The following COPZ1 variants were observed in gnomAD, a reference collection of about 807,000 sequenced individuals.
COPZ1 encodes the protein coatomer subunit zeta-1.
Under a neutral mutation model 31.7 loss-of-function variants are expected in COPZ1, and 4 were observed. The observed-to-expected ratio is 0.13, with a 90% CI of 0.06 to 0.29. COPZ1 has a LOEUF of 0.29. Ranked by LOEUF, COPZ1 falls within the 10% of genes least tolerant of loss-of-function variation. The pLI is 1.00. For missense variants in COPZ1, 156 were observed against 211.5 expected (o/e 0.74, Z 1.63); for synonymous variants, 74 against 79.0 (o/e 0.94, Z 0.33).
intron 1 of COPZ1, among the ~76,000 whole-genome samples, chr12:54,340,073 T>C (rs1953947550): frequency 6.6e-6 from 1 of 151,830 alleles, no homozygotes; most frequent in South Asian, 2.1e-4. Context: ...AAGGCTTGCT[T>C]TATGCTTCTG....
rs1592212731 is a variant in COPZ1 at position 54,349,605 on chromosome 12, A to C, written c.448-15A>C. 1 of 1,609,404 alleles carries C rather than the reference A, an allele frequency of 6.2e-7. No homozygotes were observed. The highest frequency in any genetic ancestry group is 2.2e-5 in the East Asian group (1 of 44,862). On this transcript the variant is annotated splice_polypyrimidine_tract_variant and intron_variant, in intron 7 of 8. Coordinates refer to ENST00000262061, the MANE Select transcript of COPZ1 (RefSeq NM_016057.3). ...GCTTTCTCCCACACTAAATGCTTGT[A>C]TCTCTGTGCCATAGGGTGAAGATGT... is the stretch of plus-strand genomic sequence containing the variant.
At chr12:54,326,603 A>C (rs1164013076) in intron 1 of COPZ1, among the ~76,000 whole-genome samples, 2 of 148,092 alleles carry the variant, frequency 1.4e-5, no homozygotes, top group African/African-American at 5.0e-5. Flanking sequence ...GGACCAGAGA[A>C]TTTCTCTCAA....
At chr12:54,347,617 CT>C (rs1954086369) in intron 5 of COPZ1, 149 bp from the exon 6 acceptor site, 4 of 651,914 alleles carry the variant, frequency 6.1e-6, no homozygotes. Flanking sequence ...TTTGAGTGAA[CT>C]AGCTAAAAAG....
In COPZ1 at chr12:54,350,769, C is replaced by T. The variant is rs1954133891; in HGVS notation, c.*246C>T. ...TAGATAATAGGGCAGGGGAAGCACC[C>T]TCTTTCTTTCTAGACTGGATTATGC... On this transcript the variant is annotated 3_prime_UTR_variant, in exon 9 of 9. Transcript: ENST00000262061. 1.8e-6 allele frequency: 1 copy of T among 564,860 alleles called. No homozygotes were observed. Among genetic ancestry groups the T allele is most frequent in the East Asian group, 2.9e-5 (1 of 34,156 alleles). The allele number at this position is 564,860 out of a possible 1,614,324, so 35.0% of individuals were successfully genotyped here. A position where few individuals can be genotyped will look rare whatever the true frequency, so the allele number is the denominator to read the frequency against.
intron 8 of COPZ1, chr12:54,349,934 T>G: frequency 3.4e-6 from 2 of 590,578 alleles, no homozygotes; most frequent in East Asian, 2.8e-5. Flanking sequence ...CAGTGATTTA[T>G]TCCCCAGCAG....
At chr12:54,346,275 T>C (rs918729999) in intron 5 of COPZ1, among the ~76,000 whole-genome samples, 1 of 151,226 alleles carries the variant, frequency 6.6e-6, no homozygotes, top group Non-Finnish European at 1.5e-5. Context: ...TTTTTCTTTT[T>C]TTTTTTTTTT....
intron 7 of COPZ1, 55 bp downstream of exon 7, chr12:54,348,106 G>A: frequency 2.0e-6 from 3 of 1,538,148 alleles, no homozygotes; most frequent in Non-Finnish European, 2.7e-6. Flanking sequence ...ACACCCTCCA[G>A]AGCCAGACCT....
At chr12:54,346,869 AAAC>A (rs1954073541) in intron 5 of COPZ1, among the ~76,000 whole-genome samples, 1 of 152,086 alleles carries the variant, frequency 6.6e-6, no homozygotes, top group African/African-American at 2.4e-5. Context: ...AAACAAAACA[AAAC>A]AAAAAACAGG....
intron 8 of COPZ1, 97 bp from the exon 9 acceptor site, chr12:54,350,379 G>A: frequency 2.1e-6 from 2 of 938,876 alleles, no homozygotes; most frequent in Non-Finnish European, 3.5e-6. Flanking sequence ...ATTCTTCTAA[G>A]GACAGGGAAG....
chr12:54,337,824 G>A (rs145701653), intron 1 of COPZ1, among the ~76,000 whole-genome samples: 1 of 152,284 alleles, frequency 6.6e-6, no homozygotes, highest in African/African-American at 2.4e-5. Context: ...GTCAAATCTA[G>A]TCTTTATCCT....
At chr12:54,331,381 A>C (rs917060114) in intron 1 of COPZ1, among the ~76,000 whole-genome samples, 1 of 151,924 alleles carries the variant, frequency 6.6e-6, no homozygotes, top group African/African-American at 2.4e-5. Flanking sequence ...GGGTTTCGCC[A>C]TGTTGGCCAA....
rs533537563 is a variant in COPZ1, at chr12:54,331,461, G to C, written c.18+6280G>C. Among the ~76,000 whole-genome samples, 488 of 152,192 alleles carry C rather than the reference G, an allele frequency of 3.2e-3. 2 individuals are homozygous for C. The highest frequency in any genetic ancestry group is 0.01 in the Middle Eastern group (3 of 294). ...CCCAAAGTGCTGGGATTACAGGTGT[G>C]AGCCACTGCGCCCGGCCTATTTTCT... is the stretch of plus-strand genomic sequence containing the variant. On this transcript the variant is annotated intron_variant, in intron 1 of 8. Coordinates refer to ENST00000262061, the MANE Select transcript of COPZ1 (RefSeq NM_016057.3).
rs145412456 is a variant in COPZ1, at chr12:54,345,477, T to C, written c.279T>C (p.Val93=). 13 of 1,613,784 alleles carry C rather than the reference T, an allele frequency of 8.1e-6. No individual in the cohort carries two copies. The African/African-American group carries it at 1.5e-4, about 18-fold the overall frequency. Residue 93 remains valine (V), a synonymous_variant, in exon 5 of 9, where the codon GTT becomes GTC. Coordinates refer to ENST00000262061, the MANE Select transcript of COPZ1 (RefSeq NM_016057.3). ...CCCAACAGCTGATGCTTATGGCTGT[T>C]CTGAACTGTCTCTTCGACTCATTGA... ...SYENELMLMA[V]LNCLFDSLSQ... is the part of the protein sequence containing the mutation.
At chr12:54,343,071 G>C (rs936176226) in intron 3 of COPZ1, among the ~76,000 whole-genome samples, 154 bp from the exon 4 acceptor site, 1 of 151,992 alleles carries the variant, frequency 6.6e-6, no homozygotes, top group Admixed American at 6.6e-5. Flanking sequence ...TGGCCAGGCT[G>C]GTCTTGAACT....
intron 1 of COPZ1, chr12:54,337,113 T>G: frequency 1.9e-6 from 1 of 522,562 alleles, no homozygotes; most frequent in Non-Finnish European, 3.9e-6. Context: ...TCACCTGTCT[T>G]GAGGACAGCA....
chr12:54,340,060 G>A (rs1312510998), intron 1 of COPZ1, among the ~76,000 whole-genome samples: 1 of 151,664 alleles, frequency 6.6e-6, no homozygotes, highest in Non-Finnish European at 1.5e-5. Flanking sequence ...GGGTGGTTTA[G>A]GGAAGGCTTG....
At chr12:54,330,061 T>C (rs957766816) in intron 1 of COPZ1, among the ~76,000 whole-genome samples, 2 of 152,176 alleles carry the variant, frequency 1.3e-5, no homozygotes, top group Non-Finnish European at 2.9e-5. Flanking sequence ...AGCTGCGTCC[T>C]TGCTGGTGCC....
Position 54,345,211 on chromosome 12 carries a change from A to G in COPZ1, c.262-249A>G, listed in dbSNP as rs1954042616. ...ACAGTTGGTGAAGACATTGTAGAGGACTGTGACAGGGAAGTTCTGTTTAAA... is the reference window on the plus strand; with the variant it reads ...ACAGTTGGTGAAGACATTGTAGAGGGCTGTGACAGGGAAGTTCTGTTTAAA... On this transcript the variant is annotated intron_variant, in intron 4 of 8. Coordinates refer to ENST00000262061, the MANE Select transcript of COPZ1 (RefSeq NM_016057.3). 9 of 459,606 alleles carry G rather than the reference A, an allele frequency of 2.0e-5. 1 individual carries two copies. The highest frequency in any genetic ancestry group is 1.1e-4 in the South Asian group (4 of 36,706). The allele number at this position is 459,606 out of a possible 1,614,324, so 28.5% of individuals were successfully genotyped here.
intron 1 of COPZ1, among the ~76,000 whole-genome samples, chr12:54,331,489 C>T (rs1311815307): frequency 1.3e-5 from 2 of 152,020 alleles, no homozygotes; most frequent in African/African-American, 4.8e-5. Context: ...TATTTTCTCA[C>T]TCTCAATGCA....
Sources: gnomAD v4.1 joint callset for allele counts (sites outside exome capture counted in the v4.1 genomes callset) on GRCh38, gnomAD v4.1.1 for gene constraint, MANE v1.5 for transcripts, NCBI Gene and HGNC (gene_info 2026-07-23, HGNC 2026-07-21) for gene names.